The following NCLN variants were observed in gnomAD, a reference collection of about 807,000 sequenced individuals.
NCLN encodes nicalin, also known as BOS complex subunit NCLN.
Under a neutral mutation model 69.5 loss-of-function variants are expected in NCLN, and 34 were observed. The ratio of observed to expected loss-of-function variants is 0.49; its 90% CI spans 0.37 to 0.65. The LOEUF (loss-of-function observed/expected upper bound fraction) is 0.65. Ranked by LOEUF, NCLN falls within the 30% of genes least tolerant of loss-of-function variation. NCLN has a pLI of 0.00. For missense variants in NCLN, 710 were observed against 804.8 expected (o/e 0.88, Z 1.42); for synonymous variants, 393 against 358.3 (o/e 1.10, Z -1.09).
chr19:3,202,957 G>A (rs1833508737), intron 6 of NCLN, among the ~76,000 whole-genome samples: 1 of 152,046 alleles, frequency 6.6e-6, no homozygotes, highest in Non-Finnish European at 1.5e-5. Flanking sequence ...ATGGGGGTAG[G>A]GGGCGTGCTG....
intron 1 of NCLN, among the ~76,000 whole-genome samples, chr19:3,186,938 C>A (rs899961631): frequency 6.6e-6 from 1 of 152,128 alleles, no homozygotes; most frequent in Non-Finnish European, 1.5e-5. Context: ...CTGACGCTCT[C>A]TGGTCCCAGT....
chr19:3,192,113 G>A (rs940757325), intron 1 of NCLN, among the ~76,000 whole-genome samples: 2 of 152,196 alleles, frequency 1.3e-5, no homozygotes, highest in Non-Finnish European at 1.5e-5. Context: ...GATTGAACCC[G>A]GGAGGTGGAG....
At chr19:3,198,532 A>C (rs867018295) in intron 4 of NCLN, among the ~76,000 whole-genome samples, 9 of 143,244 alleles carry the variant, frequency 6.3e-5, no homozygotes, top group African/African-American at 2.3e-4. Context: ...AACACAAACA[A>C]AAAAAAAAAA....
intron 7 of NCLN, 30 bp from the exon 8 acceptor site, chr19:3,203,975 C>A: frequency 6.5e-7 from 1 of 1,544,466 alleles, no homozygotes; most frequent in Admixed American, 2.0e-5. Context: ...CTGGTCCCCA[C>A]CCACCCCGCC....
intron 6 of NCLN, 31 bp downstream of exon 6, chr19:3,201,657 G>T: frequency 1.4e-6 from 2 of 1,429,164 alleles, no homozygotes; most frequent in Non-Finnish European, 1.9e-6. Context: ...GGGGATGGGG[G>T]TGCGGGGGCC....
At chr19:3,206,608 G>A (rs925089493) in intron 12 of NCLN, among the ~76,000 whole-genome samples, 183 bp downstream of exon 12, 1 of 152,218 alleles carries the variant, frequency 6.6e-6, no homozygotes, top group Non-Finnish European at 1.5e-5. Flanking sequence ...ATCCGAGGCA[G>A]GTGGATCACT....
intron 13 of NCLN, 41 bp from the exon 14 acceptor site, chr19:3,207,350 G>A (rs312069): frequency 6.8e-6 from 11 of 1,612,104 alleles, no homozygotes; most frequent in African/African-American, 2.7e-5. Context: ...TGTTACTGCC[G>A]CGCACCATCC....
chr19:3,190,549 C>T (rs1270733627), intron 1 of NCLN, among the ~76,000 whole-genome samples: 1 of 152,178 alleles, frequency 6.6e-6, no homozygotes, highest in Non-Finnish European at 1.5e-5. Flanking sequence ...GCCCCAAGCC[C>T]GAGGCTCAGC....
At position 3,193,277 on chromosome 19, in the gene NCLN, T is replaced by C. The variant is rs1700331619; in HGVS notation, c.376-7T>C. The C allele has an allele frequency of 6.2e-7, 1 of 1,607,100 alleles. No homozygotes were observed. Among genetic ancestry groups the C allele is most frequent in the Non-Finnish European group, 8.5e-7 (1 of 1,178,204 alleles). ...AGCAGCCCCCTAAGTGTGTGTCTGCTCCACAGCAATTCATGGAGATCGAGC... is the reference window on the plus strand; with the variant it reads ...AGCAGCCCCCTAAGTGTGTGTCTGCCCCACAGCAATTCATGGAGATCGAGC... On this transcript the variant is annotated splice_polypyrimidine_tract_variant and splice_region_variant and intron_variant, in intron 2 of 14. Coordinates refer to ENST00000246117, the MANE Select transcript of NCLN (RefSeq NM_020170.4).
intron 5 of NCLN, among the ~76,000 whole-genome samples, chr19:3,199,728 T>A (rs1568313217): frequency 1.0e-5 from 1 of 99,436 alleles, no homozygotes. Flanking sequence ...ATTGAGACAG[T>A]CTTGCTCTGT....
chr19:3,204,182 G>A (rs753352272), intron 8 of NCLN, 38 bp downstream of exon 8: 181 of 1,485,342 alleles, frequency 1.2e-4, no homozygotes, highest in Middle Eastern at 1.8e-4. Flanking sequence ...GGAGCTCTGC[G>A]GAGCACACAC....
In NCLN at chr19:3,205,549, G is replaced by A. The variant is rs541743747; in HGVS notation, c.1209-390G>A. Among the ~76,000 whole-genome samples the A allele has an allele frequency of 6.6e-6, 1 of 152,348 alleles. No homozygotes were observed. Among genetic ancestry groups the A allele is most frequent in the Admixed American group, 6.5e-5 (1 of 15,310 alleles). ...GTGGGTGCACGGCTGTCCCAGCTGT[G>A]CTGAGCTCTCTCAAGACCACCAGGG... On this transcript the variant is annotated intron_variant, in intron 9 of 14. Transcript: ENST00000246117. This position sits in a 1 kb window ranked among gnomAD's most constrained non-coding sequence, Gnocchi z 4.6.
At chr19:3,200,671 G>T (rs1310213198) in intron 5 of NCLN, among the ~76,000 whole-genome samples, 12 of 152,068 alleles carry the variant, frequency 7.9e-5, no homozygotes, top group Non-Finnish European at 1.2e-4. Context: ...GTACGAGTGG[G>T]TTTTAGTACA....
chr19:3,194,662 AT>A (rs1279171499), intron 3 of NCLN, among the ~76,000 whole-genome samples: 1 of 151,864 alleles, frequency 6.6e-6, no homozygotes, highest in African/African-American at 2.4e-5. Context: ...GACAGTGGCC[AT>A]TTTTGTTGTG....
At chr19:3,186,286 AG>A (rs1239968531) in intron 1 of NCLN, 72 bp downstream of exon 1, 1 of 1,372,560 alleles carries the variant, frequency 7.3e-7, no homozygotes, top group African/African-American at 1.5e-5. Context: ...GGCGATCCCC[AG>A]GCCGATCCCT....
At chr19:3,201,431 C>T (rs550454152) in intron 5 of NCLN, 92 bp from the exon 6 acceptor site, 17 of 870,432 alleles carry the variant, frequency 2.0e-5, no homozygotes, top group South Asian at 7.9e-5. Context: ...GTGGGGGTGA[C>T]GGAGAGATGA....
intron 12 of NCLN, 145 bp from the exon 13 acceptor site, chr19:3,207,048 TCTTGA>T: frequency 1.1e-6 from 1 of 888,972 alleles, no homozygotes; most frequent in South Asian, 1.4e-5. Context: ...GGTCTTGAAC[TCTTGA>T]CTTCAAGTGA....
intron 5 of NCLN, among the ~76,000 whole-genome samples, chr19:3,199,287 G>T (rs1276016228): frequency 6.6e-6 from 1 of 152,250 alleles, no homozygotes; most frequent in Non-Finnish European, 1.5e-5. Context: ...CGTGCGGTGA[G>T]TTGGGGAGGC....
chr19:3,190,969 C>T (rs1013961648), intron 1 of NCLN, among the ~76,000 whole-genome samples: 3 of 152,092 alleles, frequency 2.0e-5, no homozygotes, highest in African/African-American at 4.8e-5. Flanking sequence ...CGGTGCTCTC[C>T]AGGGTCTTTC....
Sources: allele counts gnomAD v4.1 joint callset (sites outside exome capture counted in the v4.1 genomes callset), GRCh38; gene constraint gnomAD v4.1.1; non-coding constraint Gnocchi (gnomAD v3.1); transcripts MANE v1.5; gene names NCBI Gene and HGNC (gene_info 2026-07-23, HGNC 2026-07-21).